Variants in LHX8 observed in about 807,000 individuals in gnomAD.
LHX8 encodes the protein LIM homeobox 8.
A neutral mutation model predicts 40.3 loss-of-function variants in LHX8; 12 were observed. The observed-to-expected ratio is 0.30, with a 90% CI of 0.19 to 0.48. The LOEUF is 0.48. LHX8 is among the 20% of genes least tolerant of loss of function. LHX8 has a pLI of 0.99. For missense variants in LHX8, 344 were observed against 433.7 expected (o/e 0.79, Z 1.84); for synonymous variants, 179 against 162.0 (o/e 1.10, Z -0.80).
At chr1:75,165,257 G>C (rs571798956), downstream of LHX8, among the ~76,000 whole-genome samples, 5 of 152,120 alleles carry the variant, frequency 3.3e-5, no homozygotes. Context: ...CAACAGATGA[G>C]GGAATTGAAA....
At chr1:75,195,055 G>A in the LHX8 span, among the ~76,000 whole-genome samples, 1 of 152,122 alleles carries the variant, frequency 6.6e-6, no homozygotes, top group African/African-American at 2.4e-5. Flanking sequence ...AAGCCTAAGA[G>A]GCTAAGTGGG....
the LHX8 span, among the ~76,000 whole-genome samples, chr1:75,175,492 T>C: frequency 1.5e-4 from 23 of 152,288 alleles, no homozygotes; most frequent in South Asian, 1.0e-3. Context: ...TTTTTAATTA[T>C]GACCATTTTT....
At chr1:75,144,025 A>C in intron 6 of LHX8, 77 bp downstream of exon 6, 3 of 1,090,104 alleles carry the variant, frequency 2.8e-6, no homozygotes, top group Non-Finnish European at 2.8e-6. Context: ...CATGCTGCCC[A>C]AAAACATTTT....
intron 7 of LHX8, among the ~76,000 whole-genome samples, chr1:75,153,898 GTGAAACATGC>G (rs1246527071): frequency 1.3e-5 from 2 of 152,048 alleles, no homozygotes; most frequent in African/African-American, 4.8e-5. Context: ...CCCTAAATCA[GTGAAACATGC>G]TTTCCCAATA....
intron 7 of LHX8, among the ~76,000 whole-genome samples, chr1:75,153,438 A>G (rs1020792699): frequency 1.3e-5 from 2 of 148,518 alleles, no homozygotes; most frequent in Admixed American, 6.8e-5. Flanking sequence ...TTTGAGATGG[A>G]GTCTTGCTCT....
In LHX8 at chr1:75,148,673, T is replaced by G; in HGVS notation, c.771T>G (p.Arg257=). 6.2e-7 allele frequency: 1 copy of G among 1,611,032 alleles called. No individual in the cohort carries two copies. Among genetic ancestry groups the G allele is most frequent in the Non-Finnish European group, 8.5e-7 (1 of 1,177,846 alleles). Residue 257 remains arginine (R), a synonymous_variant, in exon 7 of 9, where the codon CGT becomes CGG. Transcript: ENST00000356261. Reference sequence around the variant, plus strand: ...CAGAAAGGACAGGCTTGAGCAGACGTGTGATACAGGTGATTACTTTACTTT... The same window carrying G: ...CAGAAAGGACAGGCTTGAGCAGACGGGTGATACAGGTGATTACTTTACTTT... ...KLAERTGLSR[R]VIQVWFQNCR...
At chr1:75,153,495 C>T (rs1194903249) in intron 7 of LHX8, among the ~76,000 whole-genome samples, 2 of 140,356 alleles carry the variant, frequency 1.4e-5, no homozygotes, top group South Asian at 2.4e-4. Flanking sequence ...TCACTGCAAC[C>T]TCTGCCTCCT....
intron 1 of LHX8, among the ~76,000 whole-genome samples, chr1:75,128,810 A>T (rs986978511): frequency 6.6e-6 from 1 of 152,166 alleles, no homozygotes; most frequent in Non-Finnish European, 1.5e-5. Flanking sequence ...GGAGATGAAA[A>T]AGGTGTTCAT....
chr1:75,184,579 G>A, the LHX8 span, among the ~76,000 whole-genome samples: 4 of 152,266 alleles, frequency 2.6e-5, no homozygotes, highest in East Asian at 7.7e-4. Context: ...GGAGAACAAA[G>A]ATACAACATA....
chr1:75,129,003 C>G (rs995872442), intron 1 of LHX8, among the ~76,000 whole-genome samples: 2 of 152,132 alleles, frequency 1.3e-5, no homozygotes, highest in Admixed American at 1.3e-4. Context: ...TTTGGTGGCT[C>G]CTCTACATCC....
the LHX8 span, among the ~76,000 whole-genome samples, chr1:75,190,267 A>G: frequency 6.6e-6 from 1 of 152,334 alleles, no homozygotes; most frequent in African/African-American, 2.4e-5. Context: ...ATAACCTAAA[A>G]GTCAAGATTA....
upstream of LHX8, chr1:75,131,026 C>G (rs903152171): frequency 2.1e-6 from 1 of 475,338 alleles, no homozygotes; most frequent in Non-Finnish European, 3.8e-6. Context: ...GGCGCTGGAG[C>G]CCTGGAGGTG....
At chr1:75,182,764 T>A in the LHX8 span, among the ~76,000 whole-genome samples, 1 of 152,176 alleles carries the variant, frequency 6.6e-6, no homozygotes, top group Non-Finnish European at 1.5e-5. Context: ...TGCCTCTAGG[T>A]TTGTTCTTTT....
the LHX8 span, among the ~76,000 whole-genome samples, chr1:75,176,105 TA>T: frequency 6.6e-6 from 1 of 152,258 alleles, no homozygotes; most frequent in Admixed American, 6.5e-5. Context: ...AAGTCTTTGC[TA>T]TTGTGAATAG....
chr1:75,142,313 C>T (rs1157290800), intron 4 of LHX8, among the ~76,000 whole-genome samples: 1 of 152,052 alleles, frequency 6.6e-6, no homozygotes, highest in African/African-American at 2.4e-5. Flanking sequence ...TAAATAGACA[C>T]TGACTAATCT....
the LHX8 span, among the ~76,000 whole-genome samples, chr1:75,177,390 A>C: frequency 1.3e-5 from 2 of 152,118 alleles, no homozygotes. Flanking sequence ...GGTCCTTCAC[A>C]TCCCTTGTAA....
At chr1:75,195,614 T>C in the LHX8 span, among the ~76,000 whole-genome samples, 1 of 152,108 alleles carries the variant, frequency 6.6e-6, no homozygotes, top group African/African-American at 2.4e-5. Context: ...GTCCTCCTGC[T>C]TCAAACACTT....
chr1:75,190,939 T>C, the LHX8 span, among the ~76,000 whole-genome samples: 1 of 152,190 alleles, frequency 6.6e-6, no homozygotes, highest in African/African-American at 2.4e-5. Flanking sequence ...ATTATGGTGA[T>C]AGTTACATGA....
At chr1:75,142,990 C>A in intron 4 of LHX8, 128 bp from the exon 5 acceptor site, 1 of 743,694 alleles carries the variant, frequency 1.3e-6, no homozygotes, top group Non-Finnish European at 2.3e-6. Flanking sequence ...ATTCTTGTTT[C>A]ATTCTCACAA....
Sources: allele counts gnomAD v4.1 joint callset (sites outside exome capture counted in the v4.1 genomes callset), GRCh38; gene constraint gnomAD v4.1.1; transcripts MANE v1.5; gene names NCBI Gene and HGNC (gene_info 2026-07-23, HGNC 2026-07-21).